The following LRRK2 variants were observed in gnomAD, a reference collection of about 807,000 sequenced individuals.
LRRK2 encodes the protein leucine rich repeat kinase 2.
LRRK2 carries 203 observed loss-of-function variants against 302.6 expected under a neutral mutation model. That is an observed-to-expected ratio of 0.67 (90% CI 0.60 to 0.75). The LOEUF is 0.75. Ranked by LOEUF, LRRK2 falls within the 30% of genes least tolerant of loss-of-function variation. The probability of loss-of-function intolerance (pLI) is 0.00; values close to 1 mark genes in which losing one functional copy is unlikely to be tolerated. For synonymous variants in LRRK2, 1,066 were observed against 1,031.9 expected (o/e 1.03, Z -0.63); for missense variants, 2,830 against 2,951.0 (o/e 0.96, Z 0.95).
chr12:40,364,727 A>T, intron 48 of LRRK2, 115 bp from the exon 49 acceptor site: 1 of 887,552 alleles, frequency 1.1e-6, no homozygotes, highest in Non-Finnish European at 1.8e-6. Context: ...AATGATGCAT[A>T]ATGGTGGTGG....
intron 47 of LRRK2, among the ~76,000 whole-genome samples, chr12:40,361,642 T>G (rs890677727): frequency 6.6e-6 from 1 of 152,120 alleles, no homozygotes; most frequent in African/African-American, 2.4e-5. Context: ...CATATAAGAT[T>G]TGGAGCATAG....
At chr12:40,243,348 C>T (rs1488292866) in intron 6 of LRRK2, among the ~76,000 whole-genome samples, 1 of 151,892 alleles carries the variant, frequency 6.6e-6, no homozygotes, top group African/African-American at 2.4e-5. Context: ...TCCTTAATGC[C>T]AAAGATTAGT....
chr12:40,250,035 A>G, intron 8 of LRRK2, 90 bp downstream of exon 8: 1 of 1,508,026 alleles, frequency 6.6e-7, no homozygotes, highest in Non-Finnish European at 9.1e-7. Context: ...GTACAGATGG[A>G]AGCATTCAAT....
intron 10 of LRRK2, among the ~76,000 whole-genome samples, chr12:40,252,586 C>A (rs914382487): frequency 6.6e-6 from 1 of 152,104 alleles, no homozygotes; most frequent in Non-Finnish European, 1.5e-5. Flanking sequence ...TGCTTCTTTA[C>A]AATTTTCAGT....
At chr12:40,331,120 T>G (rs1030805159) in intron 39 of LRRK2, among the ~76,000 whole-genome samples, 3 of 152,186 alleles carry the variant, frequency 2.0e-5, no homozygotes, top group Non-Finnish European at 2.9e-5. Flanking sequence ...CTCTTTTATC[T>G]TGTCAGTTTT....
chr12:40,272,766 T>G (rs1943284169), intron 14 of LRRK2, among the ~76,000 whole-genome samples: 1 of 152,162 alleles, frequency 6.6e-6, no homozygotes, highest in Admixed American at 6.5e-5. Context: ...ACCAATTAAG[T>G]TGTTATTGGA....
At chr12:40,300,981 C>A (rs945566923) in intron 25 of LRRK2, 1 of 469,876 alleles carries the variant, frequency 2.1e-6, no homozygotes, top group African/African-American at 2.0e-5. Context: ...TCACAATGAT[C>A]CTAATGGTCA....
rs757163053 is a variant in LRRK2 at position 40,274,595 on chromosome 12, C to G, written c.1669C>G (p.Pro557Ala). ...CTTTTGATTTTAGTTCATTGGAAAT[C>G]CTGGGATTCAGAAATGTGGATTAAA... Reference protein sequence around the residue: ...LAALNRFIGNPGIQKCGLKVI... With the variant: ...LAALNRFIGNAGIQKCGLKVI... The change falls in exon 15 of 51, where the codon CCT becomes GCT. Residue 557 changes from proline to alanine, a missense_variant. Physicochemically the swap from Pro to Ala is conservative, Grantham distance 27 (BLOSUM62 -1). Coordinates refer to ENST00000298910, the MANE Select transcript of LRRK2 (RefSeq NM_198578.4). The G allele has an allele frequency of 6.2e-7, 1 of 1,613,736 alleles. No individual in the cohort carries two copies. Among genetic ancestry groups the G allele is most frequent in the South Asian group, 1.1e-5 (1 of 91,076 alleles).
At chr12:40,319,908 C>T in intron 33 of LRRK2, 80 bp from the exon 34 acceptor site, 1 of 1,360,676 alleles carries the variant, frequency 7.3e-7, no homozygotes, top group Non-Finnish European at 1.0e-6. Flanking sequence ...TTTCACTGAG[C>T]AAAGAGACAT....
Position 40,369,032 on chromosome 12 carries a change from A to C in LRRK2, c.*1267A>C, listed in dbSNP as rs1383693760. ...TTCTCAGAACTTATGGCATTTTACT[A>C]TGTGAAAACTTTAAATTTATTTATA... On this transcript the variant is annotated 3_prime_UTR_variant, in exon 51 of 51. Transcript: ENST00000298910. 6.6e-6 allele frequency: 1 copy of C among 151,838 alleles called. No homozygotes were observed. The highest frequency in any genetic ancestry group is 2.4e-5 in the African/African-American group (1 of 41,402). 9.4% of individuals were successfully genotyped at this position (151,838 alleles called of 1,614,324 possible).
At chr12:40,357,782 T>C (rs754548254) in intron 46 of LRRK2, among the ~76,000 whole-genome samples, 1 of 152,172 alleles carries the variant, frequency 6.6e-6, no homozygotes, top group African/African-American at 2.4e-5. Context: ...CAACTTTTTG[T>C]TTTGTTTTAA....
At chr12:40,313,188 T>C (rs1199861042) in intron 31 of LRRK2, among the ~76,000 whole-genome samples, 1 of 152,054 alleles carries the variant, frequency 6.6e-6, no homozygotes, top group Non-Finnish European at 1.5e-5. Context: ...CATCTGGTGG[T>C]TCTTAACGGC....
intron 13 of LRRK2, among the ~76,000 whole-genome samples, chr12:40,262,685 A>C (rs1592181683): frequency 6.6e-6 from 1 of 152,240 alleles, no homozygotes; most frequent in Admixed American, 6.6e-5. Flanking sequence ...AGAAATTTAC[A>C]GGAATGTTCA....
intron 14 of LRRK2, among the ~76,000 whole-genome samples, chr12:40,273,852 G>A (rs933722786): frequency 1.3e-5 from 2 of 152,120 alleles, no homozygotes; most frequent in Non-Finnish European, 2.9e-5. Flanking sequence ...CTTCTTGGTT[G>A]ATGAGTAGGA....
chr12:40,333,611 G>C (rs1945780245), intron 39 of LRRK2, among the ~76,000 whole-genome samples: 1 of 152,028 alleles, frequency 6.6e-6, no homozygotes, highest in Non-Finnish European at 1.5e-5. Context: ...CACATCTTCG[G>C]AGTGGCCTGC....
Position 40,360,113 on chromosome 12 carries a change from T to C in LRRK2, c.7028+669T>C, listed in dbSNP as rs528606111. Among the ~76,000 whole-genome samples, 6 of 152,292 alleles carry C rather than the reference T, an allele frequency of 3.9e-5. No individual in the cohort carries two copies. In the South Asian group the frequency reaches 1.2e-3, roughly 32 times the overall value. On this transcript the variant is annotated intron_variant, in intron 47 of 50. Transcript: ENST00000298910. ...ATAGTTCAGATATTGCTTTGCCATC[T>C]ATTGGTTTTGTGAACTTGGGCAATA...
chr12:40,326,512 C>A (rs913216938), intron 38 of LRRK2, among the ~76,000 whole-genome samples: 2 of 151,906 alleles, frequency 1.3e-5, no homozygotes, highest in African/African-American at 4.8e-5. Context: ...ACTAGAAGTC[C>A]CTACTCCAAC....
rs1391260244 is a variant in LRRK2 at position 40,235,779 on chromosome 12, A to ATG, written c.436+79_436+80dup. The ATG allele has an allele frequency of 7.1e-4, 559 of 789,152 alleles. 8 individuals carry two copies. In the African/African-American group the frequency reaches 8.3e-3, roughly 12 times the overall value. The allele number at this position is 789,152 out of a possible 1,614,324, so 48.9% of individuals were successfully genotyped here. ...AAAAAAAGTTGATACCATTAAGTAA[A>ATG]TGTGTGTGTGTGTGTTTTTTTTTTT... is the stretch of plus-strand genomic sequence containing the variant. On this transcript the variant is annotated intron_variant, in intron 4 of 50. Coordinates refer to ENST00000298910, the MANE Select transcript of LRRK2 (RefSeq NM_198578.4).
intron 39 of LRRK2, among the ~76,000 whole-genome samples, chr12:40,332,683 A>G (rs779129891): frequency 2.0e-5 from 3 of 152,202 alleles, no homozygotes; most frequent in Non-Finnish European, 4.4e-5. Context: ...CTGTAGTTCT[A>G]GAACCAAATT....
Sources: allele counts gnomAD v4.1 joint callset (sites outside exome capture counted in the v4.1 genomes callset), GRCh38; gene constraint gnomAD v4.1.1; transcripts MANE v1.5; gene names NCBI Gene and HGNC (gene_info 2026-07-23, HGNC 2026-07-21).